Variants in RANBP2 observed in about 807,000 individuals in gnomAD.
RANBP2 encodes RAN binding protein 2, also known as E3 SUMO-protein ligase RanBP2.
A neutral mutation model predicts 303.6 loss-of-function variants in RANBP2; 57 were observed. The ratio of observed to expected loss-of-function variants is 0.19; its 90% CI spans 0.15 to 0.23. The LOEUF (loss-of-function observed/expected upper bound fraction) is 0.23, where lower values mean the gene tolerates loss of function less well. Among genes scored for constraint, RANBP2 ranks in the 10% least tolerant of loss-of-function variants. The pLI, the probability that RANBP2 is intolerant of heterozygous loss-of-function variation, is 1.00. For missense variants in RANBP2, 3,138 were observed against 3,780.8 expected (o/e 0.83, Z 4.46); for synonymous variants, 1,167 against 1,301.5 (o/e 0.90, Z 2.23).
At chr2:109,382,917 G>A in the RANBP2 span, among the ~76,000 whole-genome samples, 1 of 152,136 alleles carries the variant, frequency 6.6e-6, no homozygotes, top group African/African-American at 2.4e-5. Context: ...ATGGATTAAT[G>A]TGTGGACCAC....
chr2:109,023,609 C>A, the RANBP2 span, among the ~76,000 whole-genome samples: 3 of 152,068 alleles, frequency 2.0e-5, no homozygotes, highest in Non-Finnish European at 4.4e-5. Context: ...TTGAGACCAG[C>A]CTGGACAACA....
chr2:109,166,940 C>T, the RANBP2 span, among the ~76,000 whole-genome samples: 5 of 152,198 alleles, frequency 3.3e-5, no homozygotes, highest in African/African-American at 1.2e-4. Flanking sequence ...CATGATGCAT[C>T]CATAAATCTA....
At chr2:109,230,384 C>G in the RANBP2 span, among the ~76,000 whole-genome samples, 5 of 151,896 alleles carry the variant, frequency 3.3e-5, no homozygotes, top group Admixed American at 6.6e-5. Flanking sequence ...TGAGACCAGC[C>G]TGGCCAACAT....
At chr2:108,847,619 ATTAT>A in the RANBP2 span, among the ~76,000 whole-genome samples, 1 of 152,242 alleles carries the variant, frequency 6.6e-6, no homozygotes, top group African/African-American at 2.4e-5. Context: ...AACAGGTTAT[ATTAT>A]TAAATGTGAT....
intron 1 of RANBP2, among the ~76,000 whole-genome samples, chr2:108,723,399 C>T (rs184859417): frequency 0.023 from 3,517 of 151,914 alleles, 134 homozygotes; most frequent in African/African-American, 0.081. Flanking sequence ...CCTGCCCCAG[C>T]CTGTAGCTGG....
At chr2:109,447,208 C>T in the RANBP2 span, among the ~76,000 whole-genome samples, 1 of 135,808 alleles carries the variant, frequency 7.4e-6, no homozygotes, top group East Asian at 2.2e-4. Flanking sequence ...AAAAAACCCA[C>T]ATAAATCAGC....
chr2:109,323,635 T>G, the RANBP2 span, among the ~76,000 whole-genome samples: 4 of 152,174 alleles, frequency 2.6e-5, no homozygotes, highest in Admixed American at 2.6e-4. Context: ...GCATGGGGTT[T>G]TGGTGAGGTT....
chr2:109,728,960 T>C, the RANBP2 span, among the ~76,000 whole-genome samples: 2 of 152,206 alleles, frequency 1.3e-5, no homozygotes, highest in African/African-American at 4.8e-5. Flanking sequence ...CACACCACTG[T>C]ATGTGTAGTA....
At chr2:109,363,667 C>T in the RANBP2 span, among the ~76,000 whole-genome samples, 3 of 152,182 alleles carry the variant, frequency 2.0e-5, no homozygotes, top group East Asian at 3.8e-4. Flanking sequence ...AACACATTCA[C>T]TCAATTCTTG....
At chr2:108,886,233 C>A in the RANBP2 span, among the ~76,000 whole-genome samples, 1 of 152,080 alleles carries the variant, frequency 6.6e-6, no homozygotes, top group Non-Finnish European at 1.5e-5. Context: ...GGTAAGAATT[C>A]TTTTTATCTA....
chr2:109,633,908 T>C, the RANBP2 span, among the ~76,000 whole-genome samples: 1 of 151,498 alleles, frequency 6.6e-6, no homozygotes, highest in South Asian at 2.1e-4. Context: ...GATCACAAGG[T>C]TAGGAGTTCG....
chr2:109,624,192 A>T, the RANBP2 span, among the ~76,000 whole-genome samples: 1 of 152,218 alleles, frequency 6.6e-6, no homozygotes, highest in East Asian at 1.9e-4. Flanking sequence ...GTGGTGCTCC[A>T]GGGAGGGGTG....
the RANBP2 span, among the ~76,000 whole-genome samples, chr2:109,203,851 T>C: frequency 0.28 from 43,000 of 152,070 alleles, 6,378 homozygotes; most frequent in East Asian, 0.47. Context: ...GGTGCCTCGC[T>C]ACCTACCCCT....
chr2:109,051,514 T>C, the RANBP2 span, among the ~76,000 whole-genome samples: 1 of 152,222 alleles, frequency 6.6e-6, no homozygotes, highest in African/African-American at 2.4e-5. Flanking sequence ...TGCAGAAGCA[T>C]GCAGAATGTG....
At chr2:108,906,332 C>T in the RANBP2 span, 137 of 1,614,058 alleles carry the variant, frequency 8.5e-5, no homozygotes, top group Admixed American at 1.1e-3. Flanking sequence ...CACACGTTGG[C>T]ATACACATCG....
At chr2:109,486,120 C>T in the RANBP2 span, among the ~76,000 whole-genome samples, 1 of 152,222 alleles carries the variant, frequency 6.6e-6, no homozygotes, top group Non-Finnish European at 1.5e-5. Context: ...TCTTCACCTT[C>T]CCAAGGAGCT....
chr2:109,297,243 T>C, the RANBP2 span, among the ~76,000 whole-genome samples: 710 of 152,190 alleles, frequency 4.7e-3, 6 homozygotes, highest in African/African-American at 0.016. Flanking sequence ...ATTGACACCA[T>C]CATCATCATC....
At chr2:109,725,996 G>A in the RANBP2 span, among the ~76,000 whole-genome samples, 1 of 151,692 alleles carries the variant, frequency 6.6e-6, no homozygotes, top group African/African-American at 2.4e-5. Flanking sequence ...GCCTCCCAAA[G>A]TGCTGGGATT....
chr2:109,445,417 T>C, the RANBP2 span, among the ~76,000 whole-genome samples: 1 of 152,022 alleles, frequency 6.6e-6, no homozygotes, highest in East Asian at 1.9e-4. Flanking sequence ...ATAAGGAAAA[T>C]ACTACAAAAC....
Sources: allele counts gnomAD v4.1 joint callset (sites outside exome capture counted in the v4.1 genomes callset), GRCh38; gene constraint gnomAD v4.1.1; transcripts MANE v1.5; gene names NCBI Gene and HGNC (gene_info 2026-07-23, HGNC 2026-07-21).